The following PTGER3 variants were observed in gnomAD, a reference collection of about 807,000 sequenced individuals.
PTGER3 encodes the protein prostaglandin E receptor 3.
In PTGER3, 22 loss-of-function variants were observed where a neutral mutation model predicts 34.7. That is an observed-to-expected ratio of 0.63 (90% CI 0.45 to 0.91). PTGER3 has a LOEUF of 0.91. Ranked by LOEUF, PTGER3 falls within the 40% of genes least tolerant of loss-of-function variation. PTGER3 has a pLI of 0.00. For synonymous variants in PTGER3, 241 were observed against 230.1 expected, an observed-to-expected ratio of 1.05 and a Z score of -0.43; for missense variants, 468 against 519.4, an observed-to-expected ratio of 0.90 and a Z score of 0.96.
At position 70,971,734 on chromosome 1, in the gene PTGER3, C is replaced by G; in HGVS notation, c.1170-1G>C. On this transcript the variant is annotated splice_acceptor_variant, in intron 3 of 3. Transcript: ENST00000306666. LOFTEE classifies it high-confidence loss of function. ...ATGTCCAACTCCGTTCTTTCATTAT[C>G]TGTTAGAATAGAGAGAGAAAGATGC... The G allele has an allele frequency of 6.5e-7, 1 of 1,549,402 alleles. No homozygotes were observed. Among genetic ancestry groups the G allele is most frequent in the African/African-American group, 1.4e-5 (1 of 72,458 alleles).
At chr1:71,025,843 C>G (rs188382195) in intron 1 of PTGER3, among the ~76,000 whole-genome samples, 145 of 152,268 alleles carry the variant, frequency 9.5e-4, no homozygotes, top group African/African-American at 2.6e-3. Context: ...TAACATGGCT[C>G]TCTTTGGAAA....
At chr1:71,030,519 T>C (rs914435747) in intron 1 of PTGER3, among the ~76,000 whole-genome samples, 1 of 152,234 alleles carries the variant, frequency 6.6e-6, no homozygotes, top group Non-Finnish European at 1.5e-5. Context: ...TGACTTGTAC[T>C]AGCTGAAAAA....
intron 1 of PTGER3, among the ~76,000 whole-genome samples, chr1:71,029,275 T>A (rs1034170832): frequency 6.6e-6 from 1 of 152,172 alleles, no homozygotes; most frequent in Non-Finnish European, 1.5e-5. Flanking sequence ...CAAGGCAAGA[T>A]CTCTGCTTTT....
At chr1:71,001,235 A>C (rs1007437823) in intron 2 of PTGER3, among the ~76,000 whole-genome samples, 1 of 152,182 alleles carries the variant, frequency 6.6e-6, no homozygotes, top group African/African-American at 2.4e-5. Flanking sequence ...TATAACAGAT[A>C]TCTCTCTTGC....
chr1:70,937,788 C>A (rs1214446955), intron 4 of PTGER3, among the ~76,000 whole-genome samples: 2 of 151,910 alleles, frequency 1.3e-5, no homozygotes, highest in Non-Finnish European at 2.9e-5. Flanking sequence ...AAATAGAATA[C>A]CCTTTTAAAG....
chr1:70,934,115 T>C (rs572904804), intron 4 of PTGER3, among the ~76,000 whole-genome samples: 1 of 152,296 alleles, frequency 6.6e-6, no homozygotes, highest in South Asian at 2.1e-4. Flanking sequence ...CTTCACAATA[T>C]ATTCTTATTT....
At chr1:71,043,216 A>G (rs1660465853) in intron 1 of PTGER3, among the ~76,000 whole-genome samples, 1 of 152,214 alleles carries the variant, frequency 6.6e-6, no homozygotes, top group African/African-American at 2.4e-5. Context: ...TGCTGGATGA[A>G]CTGGCTGATT....
chr1:70,895,050 C>G (rs1156270638), intron 4 of PTGER3, among the ~76,000 whole-genome samples: 1 of 152,144 alleles, frequency 6.6e-6, no homozygotes, highest in East Asian at 1.9e-4. Context: ...CTGCTGTCAC[C>G]AAATGACTCT....
intron 4 of PTGER3, among the ~76,000 whole-genome samples, chr1:70,940,041 T>C (rs942059416): frequency 5.3e-5 from 8 of 152,214 alleles, no homozygotes; most frequent in African/African-American, 1.7e-4. Context: ...GAATGGCTTT[T>C]AACAGTATCC....
intron 4 of PTGER3, among the ~76,000 whole-genome samples, chr1:70,856,354 C>A (rs1214181706): frequency 6.8e-6 from 1 of 147,626 alleles, no homozygotes; most frequent in Non-Finnish European, 1.5e-5. Context: ...GCAAGAGAAT[C>A]ATTTGAGCCG....
At chr1:70,956,634 G>A (rs367749127) in intron 2 of PTGER3, among the ~76,000 whole-genome samples, 2 of 152,166 alleles carry the variant, frequency 1.3e-5, no homozygotes, top group African/African-American at 4.8e-5. Flanking sequence ...GCACCAAGAT[G>A]AATTGGTGCC....
At chr1:70,953,849 G>T in intron 2 of PTGER3, 2 of 791,502 alleles carry the variant, frequency 2.5e-6, no homozygotes, top group Admixed American at 3.5e-5. Flanking sequence ...GTTCCTAGAA[G>T]GATGCTAAAC....
chr1:71,014,035 G>A (rs1164820270), intron 1 of PTGER3, among the ~76,000 whole-genome samples: 1 of 152,102 alleles, frequency 6.6e-6, no homozygotes, highest in African/African-American at 2.4e-5. Flanking sequence ...TCTATATATT[G>A]TGTTAAATAA....
At chr1:71,013,139 A>T (rs1657598076) in intron 1 of PTGER3, among the ~76,000 whole-genome samples, 1 of 152,170 alleles carries the variant, frequency 6.6e-6, no homozygotes, top group Non-Finnish European at 1.5e-5. Context: ...TGTAAACTCC[A>T]TGATAGCAGG....
chr1:70,854,469 G>A (rs1243079188), intron 4 of PTGER3, among the ~76,000 whole-genome samples: 1 of 152,124 alleles, frequency 6.6e-6, no homozygotes, highest in East Asian at 1.9e-4. Flanking sequence ...CAAATCTCAT[G>A]TCAAAATGTA....
At chr1:70,923,448 G>A (rs1647749300) in intron 4 of PTGER3, among the ~76,000 whole-genome samples, 1 of 152,030 alleles carries the variant, frequency 6.6e-6, no homozygotes, top group Non-Finnish European at 1.5e-5. Context: ...ATCCTCTTTG[G>A]AAGATGATTT....
At chr1:71,045,119 A>G (rs1321270109) in intron 1 of PTGER3, among the ~76,000 whole-genome samples, 1 of 152,220 alleles carries the variant, frequency 6.6e-6, no homozygotes, top group Non-Finnish European at 1.5e-5. Flanking sequence ...GTGACCATAC[A>G]GCGACTTGTG....
chr1:70,884,879 T>C (rs1370121800), intron 4 of PTGER3, among the ~76,000 whole-genome samples: 7 of 152,176 alleles, frequency 4.6e-5, no homozygotes, highest in African/African-American at 1.4e-4. Flanking sequence ...TGTCTTTCTA[T>C]GTAAAGGAAC....
downstream of PTGER3, among the ~76,000 whole-genome samples, chr1:70,949,392 C>G (rs1335973866): frequency 1.3e-5 from 2 of 152,110 alleles, no homozygotes; most frequent in African/African-American, 2.4e-5. Flanking sequence ...CCCATAGCAC[C>G]AGAGAATACT....
Sources: gnomAD v4.1 joint callset for allele counts (sites outside exome capture counted in the v4.1 genomes callset) on GRCh38, gnomAD v4.1.1 for gene constraint, MANE v1.5 for transcripts, NCBI Gene and HGNC (gene_info 2026-07-23, HGNC 2026-07-21) for gene names.